Variants in RBKS observed in about 807,000 individuals in gnomAD.
RBKS encodes the protein ribokinase.
In RBKS, 33 loss-of-function variants were observed where a neutral mutation model predicts 33.9. That is an observed-to-expected ratio of 0.97 (90% confidence interval 0.74 to 1.30). The LOEUF (loss-of-function observed/expected upper bound fraction) is 1.30. Among genes scored for constraint, RBKS ranks in the 50% most tolerant of loss-of-function variants. The pLI is 0.00. For missense variants in RBKS, 361 were observed against 392.6 expected (o/e 0.92, Z 0.68); for synonymous variants, 125 against 143.0 (o/e 0.87, Z 0.90).
intron 5 of RBKS, among the ~76,000 whole-genome samples, chr2:27,835,306 T>C (rs1678496726): frequency 6.6e-6 from 1 of 151,558 alleles, no homozygotes; most frequent in Admixed American, 6.6e-5. Context: ...AAAAGAATTA[T>C]GACACGTCTG....
At chr2:27,869,611 G>A (rs1285086623) in intron 1 of RBKS, among the ~76,000 whole-genome samples, 1 of 152,154 alleles carries the variant, frequency 6.6e-6, no homozygotes, top group Non-Finnish European at 1.5e-5. Flanking sequence ...GATGATCCAA[G>A]CACATTCCAT....
At chr2:27,818,688 CAG>C (rs1678143872) in intron 7 of RBKS, among the ~76,000 whole-genome samples, 1 of 152,128 alleles carries the variant, frequency 6.6e-6, no homozygotes, top group African/African-American at 2.4e-5. Flanking sequence ...GTGTGGTGCC[CAG>C]CTTTTATTAT....
intron 7 of RBKS, among the ~76,000 whole-genome samples, chr2:27,804,833 T>A (rs1402616513): frequency 6.6e-6 from 1 of 152,146 alleles, no homozygotes; most frequent in East Asian, 1.9e-4. Flanking sequence ...TTGCTTGAGC[T>A]CAGGAAGATG....
intron 7 of RBKS, among the ~76,000 whole-genome samples, chr2:27,798,247 G>C (rs935676133): frequency 2.0e-5 from 3 of 152,120 alleles, no homozygotes; most frequent in African/African-American, 7.2e-5. Context: ...TCCTAAATCA[G>C]TATCTTTAGC....
intron 1 of RBKS, among the ~76,000 whole-genome samples, chr2:27,886,178 T>C (rs931471696): frequency 2.6e-5 from 4 of 152,238 alleles, no homozygotes; most frequent in African/African-American, 9.6e-5. Flanking sequence ...TAAAAATTAT[T>C]ACTACATACG....
At chr2:27,828,750 A>G (rs1678365508) in intron 6 of RBKS, among the ~76,000 whole-genome samples, 1 of 152,130 alleles carries the variant, frequency 6.6e-6, no homozygotes, top group South Asian at 2.1e-4. Flanking sequence ...AAACATTTCC[A>G]TGACTTTTTA....
intron 1 of RBKS, among the ~76,000 whole-genome samples, chr2:27,880,152 A>G (rs1204310909): frequency 6.6e-6 from 1 of 152,214 alleles, no homozygotes; most frequent in Non-Finnish European, 1.5e-5. Context: ...TCATCACATA[A>G]ACAGAACTAA....
intron 1 of RBKS, among the ~76,000 whole-genome samples, chr2:27,875,076 T>C (rs1277230478): frequency 3.9e-5 from 6 of 152,146 alleles, no homozygotes; most frequent in Admixed American, 3.9e-4. Flanking sequence ...AACAAACATC[T>C]GGAAAACATT....
intron 1 of RBKS, chr2:27,871,001 C>G (rs116305679): frequency 9.7e-6 from 4 of 410,510 alleles, no homozygotes; most frequent in Non-Finnish European, 2.0e-5. Context: ...ACAATTGTGC[C>G]TCAATGTCCT....
intron 1 of RBKS, among the ~76,000 whole-genome samples, chr2:27,886,937 A>AT (rs1267736647): frequency 4.6e-5 from 7 of 152,024 alleles, no homozygotes; most frequent in Non-Finnish European, 8.8e-5. Context: ...ATATTGTAGG[A>AT]TTTTTTACTT....
In RBKS at chr2:27,795,981, T is replaced by C. The variant is rs1677658275; in HGVS notation, c.796-14193A>G. ...CCTTGCTTTGAGTTGACCTGACTTA[T>C]TGGTCCTGGTTCTATCATGTTCTTC... On this transcript the variant is annotated intron_variant, in intron 7 of 7. Coordinates refer to ENST00000302188, the MANE Select transcript of RBKS (RefSeq NM_022128.3). The surrounding 1 kb of genome is among the most constrained non-coding windows in gnomAD (Gnocchi z 4.1). Among the ~76,000 whole-genome samples the C allele has an allele frequency of 6.6e-6, 1 of 152,206 alleles. No individual in the cohort carries two copies. The highest frequency in any genetic ancestry group is 1.5e-5 in the Non-Finnish European group (1 of 68,026).
chr2:27,824,212 C>T (rs551438373), intron 7 of RBKS, among the ~76,000 whole-genome samples: 8 of 152,290 alleles, frequency 5.3e-5, no homozygotes, highest in African/African-American at 1.9e-4. Flanking sequence ...TGAATCAGTA[C>T]TTCATTCCTT....
intron 1 of RBKS, among the ~76,000 whole-genome samples, chr2:27,886,051 C>A (rs1238011431): frequency 6.6e-6 from 1 of 152,002 alleles, no homozygotes. Flanking sequence ...TTCCTTGTAT[C>A]TTTGTAATGT....
At chr2:27,824,098 C>A (rs1678267245) in intron 7 of RBKS, among the ~76,000 whole-genome samples, 1 of 152,094 alleles carries the variant, frequency 6.6e-6, no homozygotes, top group Admixed American at 6.6e-5. Context: ...ATTTATAATA[C>A]CTATTCTGGA....
At chr2:27,859,718 C>T (rs1046982490) in intron 1 of RBKS, among the ~76,000 whole-genome samples, 4 of 152,072 alleles carry the variant, frequency 2.6e-5, no homozygotes, top group African/African-American at 9.7e-5. Flanking sequence ...GGTTAACTAG[C>T]TTTAGATAGG....
intron 7 of RBKS, among the ~76,000 whole-genome samples, chr2:27,826,648 C>T (rs1452054795): frequency 1.3e-5 from 2 of 152,098 alleles, no homozygotes; most frequent in Non-Finnish European, 2.9e-5. Flanking sequence ...CCTCATGATC[C>T]GCCCACCTCA....
intron 7 of RBKS, among the ~76,000 whole-genome samples, chr2:27,817,865 C>G (rs1045878814): frequency 1.3e-5 from 2 of 152,142 alleles, no homozygotes; most frequent in Admixed American, 1.3e-4. Flanking sequence ...TGAGAACTCA[C>G]TATCACAAGA....
chr2:27,821,935 C>T (rs186840294), intron 7 of RBKS, among the ~76,000 whole-genome samples: 48 of 152,246 alleles, frequency 3.2e-4, no homozygotes, highest in African/African-American at 1.1e-3. Flanking sequence ...TAAGGGACAC[C>T]GAAACATCTT....
At chr2:27,799,407 C>G (rs532155707) in intron 7 of RBKS, among the ~76,000 whole-genome samples, 1 of 152,166 alleles carries the variant, frequency 6.6e-6, no homozygotes, top group Non-Finnish European at 1.5e-5. Flanking sequence ...AGTTACAGCG[C>G]GTGCATTCCT....
Sources: gnomAD v4.1 joint callset for allele counts (sites outside exome capture counted in the v4.1 genomes callset) on GRCh38, gnomAD v4.1.1 for gene constraint, Gnocchi (gnomAD v3.1) non-coding constraint, MANE v1.5 for transcripts, NCBI Gene and HGNC (gene_info 2026-07-23, HGNC 2026-07-21) for gene names.